The following CACNA2D3 variants were observed in gnomAD, a reference collection of about 807,000 sequenced individuals.
The protein encoded by CACNA2D3 is voltage-dependent calcium channel subunit alpha-2/delta-3.
In CACNA2D3, 60 loss-of-function variants were observed where a neutral mutation model predicts 160.6. That is an observed-to-expected ratio of 0.37 (90% CI 0.30 to 0.46). The LOEUF is 0.46. Ranked by LOEUF, CACNA2D3 falls within the 20% of genes least tolerant of loss-of-function variation. The probability of loss-of-function intolerance (pLI) is 1.00; values close to 1 mark genes in which losing one functional copy is unlikely to be tolerated. For synonymous variants in CACNA2D3, 558 were observed against 492.9 expected (o/e 1.13, Z -1.75); for missense variants, 1,205 against 1,365.0 (o/e 0.88, Z 1.85).
At chr3:54,291,926 G>A (rs1260802434) in intron 2 of CACNA2D3, among the ~76,000 whole-genome samples, 1 of 152,182 alleles carries the variant, frequency 6.6e-6, no homozygotes, top group African/African-American at 2.4e-5. Flanking sequence ...GAGATAGCAT[G>A]CAGATAATTA....
At chr3:54,757,931 A>C (rs1702003168) in intron 12 of CACNA2D3, among the ~76,000 whole-genome samples, 1 of 152,212 alleles carries the variant, frequency 6.6e-6, no homozygotes, top group African/African-American at 2.4e-5. Context: ...CTCTTTGGAG[A>C]GGAGAAAGCT....
At chr3:54,865,138 C>G (rs190694435) in intron 17 of CACNA2D3, among the ~76,000 whole-genome samples, 64 of 152,262 alleles carry the variant, frequency 4.2e-4, no homozygotes, top group Admixed American at 8.5e-4. Context: ...TTTATAAATT[C>G]CTTTTTAGGA....
intron 25 of CACNA2D3, among the ~76,000 whole-genome samples, chr3:54,891,745 G>C (rs1371839893): frequency 6.6e-6 from 1 of 152,194 alleles, no homozygotes; most frequent in Non-Finnish European, 1.5e-5. Context: ...TGGTGCGGCT[G>C]CTGGGGGAGC....
chr3:54,169,134 A>G (rs565291369), intron 2 of CACNA2D3, among the ~76,000 whole-genome samples: 1 of 152,350 alleles, frequency 6.6e-6, no homozygotes, highest in South Asian at 2.1e-4. Flanking sequence ...CCCAAGGGTC[A>G]TTGGTTTTAA....
At chr3:54,663,102 T>A (rs1415376545) in intron 11 of CACNA2D3, among the ~76,000 whole-genome samples, 2 of 152,154 alleles carry the variant, frequency 1.3e-5, no homozygotes, top group East Asian at 1.9e-4. Context: ...CAAAAAGACC[T>A]TGATGGGACA....
chr3:54,947,377 C>T (rs538232176), intron 27 of CACNA2D3, among the ~76,000 whole-genome samples: 1 of 152,256 alleles, frequency 6.6e-6, no homozygotes, highest in East Asian at 1.9e-4. Context: ...ATAACAGGCT[C>T]TGGTTAGGAC....
intron 3 of CACNA2D3, among the ~76,000 whole-genome samples, chr3:54,360,671 A>T (rs1312395154): frequency 1.3e-5 from 2 of 152,278 alleles, no homozygotes; most frequent in African/African-American, 4.8e-5. Context: ...AGGCATGTTG[A>T]TACTGGCAGA....
At chr3:54,501,226 C>A (rs963064112) in intron 4 of CACNA2D3, among the ~76,000 whole-genome samples, 9 of 152,298 alleles carry the variant, frequency 5.9e-5, no homozygotes, top group African/African-American at 2.2e-4. Context: ...ACATTCAAAT[C>A]ATAGCACAGA....
At chr3:54,806,310 T>C (rs940088262) in intron 13 of CACNA2D3, among the ~76,000 whole-genome samples, 3 of 152,110 alleles carry the variant, frequency 2.0e-5, no homozygotes, top group Non-Finnish European at 2.9e-5. Flanking sequence ...AACCCCATTG[T>C]CTCAGCCCAA....
At chr3:54,567,856 T>C (rs1206824576) in intron 6 of CACNA2D3, among the ~76,000 whole-genome samples, 1 of 152,202 alleles carries the variant, frequency 6.6e-6, no homozygotes, top group Non-Finnish European at 1.5e-5. Flanking sequence ...TCATTGGCAG[T>C]GCCAGTGATG....
At chr3:54,863,199 T>C (rs1247313701) in intron 17 of CACNA2D3, among the ~76,000 whole-genome samples, 4 of 152,216 alleles carry the variant, frequency 2.6e-5, no homozygotes, top group Non-Finnish European at 4.4e-5. Flanking sequence ...ATTTCGAGGC[T>C]GTCTTGCATC....
intron 3 of CACNA2D3, among the ~76,000 whole-genome samples, chr3:54,336,717 T>C (rs1159023022): frequency 6.6e-6 from 1 of 152,132 alleles, no homozygotes; most frequent in Admixed American, 6.5e-5. Flanking sequence ...AACCCATCAT[T>C]AGGGAAAGGG....
intron 13 of CACNA2D3, among the ~76,000 whole-genome samples, chr3:54,767,766 G>A (rs1274906351): frequency 6.6e-6 from 1 of 152,160 alleles, no homozygotes; most frequent in African/African-American, 2.4e-5. Context: ...ATGTGGTCAT[G>A]TCAAAAGGAC....
intron 11 of CACNA2D3, among the ~76,000 whole-genome samples, chr3:54,702,718 A>G (rs1240702629): frequency 6.6e-6 from 1 of 152,228 alleles, no homozygotes; most frequent in Non-Finnish European, 1.5e-5. Flanking sequence ...TATTCAACCC[A>G]GCAATCAAAG....
intron 2 of CACNA2D3, among the ~76,000 whole-genome samples, chr3:54,287,335 T>G (rs1703058629): frequency 6.6e-6 from 1 of 152,228 alleles, no homozygotes; most frequent in East Asian, 1.9e-4. Flanking sequence ...AAGAAGGCCA[T>G]TACCTAATGG....
At chr3:54,542,882 A>G (rs370210635) in intron 5 of CACNA2D3, among the ~76,000 whole-genome samples, 2 of 152,214 alleles carry the variant, frequency 1.3e-5, no homozygotes, top group East Asian at 1.9e-4. Context: ...TTATTTCATA[A>G]TGAAAATTAA....
intron 34 of CACNA2D3, among the ~76,000 whole-genome samples, chr3:55,011,687 T>C (rs1016133050): frequency 6.6e-6 from 1 of 151,982 alleles, no homozygotes; most frequent in Non-Finnish European, 1.5e-5. Flanking sequence ...GGGTCAGTAG[T>C]TGGTATGGGA....
chr3:54,232,288 A>G (rs1245027112), intron 2 of CACNA2D3, among the ~76,000 whole-genome samples: 2 of 152,170 alleles, frequency 1.3e-5, no homozygotes, highest in African/African-American at 4.8e-5. Flanking sequence ...AGGTGATGAC[A>G]GTACCTAGTT....
chr3:54,417,267 T>C (rs1050922691), intron 4 of CACNA2D3, among the ~76,000 whole-genome samples: 4 of 152,182 alleles, frequency 2.6e-5, no homozygotes, highest in Non-Finnish European at 4.4e-5. Flanking sequence ...GCACAAACAA[T>C]TGGGAACACA....
Sources: gnomAD v4.1 joint callset for allele counts (sites outside exome capture counted in the v4.1 genomes callset) on GRCh38, gnomAD v4.1.1 for gene constraint, MANE v1.5 for transcripts, NCBI Gene and HGNC (gene_info 2026-07-23, HGNC 2026-07-21) for gene names.